The following ABCC3 variants were observed in gnomAD, a reference collection of about 807,000 sequenced individuals.
ABCC3 encodes the protein ATP binding cassette subfamily C member 3.
A neutral mutation model predicts 165.3 loss-of-function variants in ABCC3; 121 were observed. The ratio of observed to expected loss-of-function variants is 0.73; its 90% CI spans 0.63 to 0.85. The LOEUF (loss-of-function observed/expected upper bound fraction) is 0.85. Among genes scored for constraint, ABCC3 ranks in the 40% least tolerant of loss-of-function variants. The pLI, the probability that ABCC3 is intolerant of heterozygous loss-of-function variation, is 0.00. For synonymous variants in ABCC3, 733 were observed against 810.1 expected (o/e 0.90, Z 1.62); for missense variants, 1,869 against 1,964.1 (o/e 0.95, Z 0.92).
In ABCC3 at chr17:50,692,047, C is replaced by T. The variant is rs1968133415; in HGVS notation, c.*847C>T. 1 of 152,222 alleles carries T rather than the reference C, an allele frequency of 6.6e-6. No homozygotes were observed. Among genetic ancestry groups the T allele is most frequent in the African/African-American group, 2.4e-5 (1 of 41,438 alleles). The allele number at this position is 152,222 out of a possible 1,614,324, so 9.4% of individuals were successfully genotyped here. ...GAGAAGTGCATGATGCTTTTACTTC[C>T]TTGCTCATTTCGAAGTCTGTTCCAG... is the stretch of plus-strand genomic sequence containing the variant. On this transcript the variant is annotated 3_prime_UTR_variant, in exon 31 of 31. Coordinates refer to ENST00000285238, the MANE Select transcript of ABCC3 (RefSeq NM_003786.4).
intron 1 of ABCC3, chr17:50,635,926 A>C: frequency 4.5e-6 from 1 of 224,242 alleles, no homozygotes; most frequent in South Asian, 9.0e-5. Context: ...GCCTTTGGTG[A>C]CTCTCACTCC....
chr17:50,689,616 C>A (rs554524702), intron 30 of ABCC3, among the ~76,000 whole-genome samples: 31 of 152,334 alleles, frequency 2.0e-4, no homozygotes, highest in Non-Finnish European at 2.6e-4. Context: ...ATGGGTCAGA[C>A]CTTGCTCTCT....
At chr17:50,647,071 A>G (rs1403282586) in intron 1 of ABCC3, among the ~76,000 whole-genome samples, 1 of 151,800 alleles carries the variant, frequency 6.6e-6, no homozygotes, top group Non-Finnish European at 1.5e-5. Flanking sequence ...TAGAGACGGG[A>G]TTTCACCATG....
intron 11 of ABCC3, among the ~76,000 whole-genome samples, chr17:50,667,056 C>CA (rs1567832559): frequency 2.0e-5 from 3 of 151,842 alleles, no homozygotes; most frequent in Non-Finnish European, 4.4e-5. Flanking sequence ...CTCGTCCCTA[C>CA]AAAAAAATTT....
At chr17:50,662,547 A>G (rs1967414968) in intron 8 of ABCC3, among the ~76,000 whole-genome samples, 1 of 151,584 alleles carries the variant, frequency 6.6e-6, no homozygotes, top group South Asian at 2.1e-4. Context: ...CTGAGGTGGG[A>G]AGACTGCCTG....
At chr17:50,672,572 T>A (rs1019769607) in intron 17 of ABCC3, among the ~76,000 whole-genome samples, 1 of 152,160 alleles carries the variant, frequency 6.6e-6, no homozygotes, top group African/African-American at 2.4e-5. Flanking sequence ...AGAAGACTGC[T>A]GTTCTGGTCA....
intron 17 of ABCC3, among the ~76,000 whole-genome samples, chr17:50,671,415 C>T (rs959334632): frequency 6.6e-6 from 1 of 152,162 alleles, no homozygotes; most frequent in African/African-American, 2.4e-5. Context: ...TCCCCACTGC[C>T]CCTAGGCCCC....
At chr17:50,653,133 G>C (rs1967143489) in intron 1 of ABCC3, among the ~76,000 whole-genome samples, 1 of 151,994 alleles carries the variant, frequency 6.6e-6, no homozygotes, top group South Asian at 2.1e-4. Context: ...ATCACCTGAG[G>C]TCAGGAGTTC....
rs1967374084 is a variant in ABCC3, at chr17:50,661,118, T to C, written c.998+4T>C. On this transcript the variant is annotated splice_donor_region_variant and intron_variant, in intron 8 of 30. Transcript: ENST00000285238. ...TCATCAATCCACAGCTGCTCAGGTCTCTCCACACTCCGGCTCACTATAGCC... is the reference window on the plus strand; with the variant it reads ...TCATCAATCCACAGCTGCTCAGGTCCCTCCACACTCCGGCTCACTATAGCC... 1 of 1,608,990 alleles carries C rather than the reference T, an allele frequency of 6.2e-7. No homozygotes were observed. The highest frequency in any genetic ancestry group is 2.2e-5 in the East Asian group (1 of 44,774).
intron 8 of ABCC3, chr17:50,663,349 G>GTAGATCTCGGTGGTCGCCGTATCATT: frequency 3.0e-6 from 1 of 334,444 alleles, no homozygotes. Context: ...AAGGAGCAGG[G>GTAGATCTCGGTGGTCGCCGTATCATT]AAGTCCAGTC....
intron 17 of ABCC3, among the ~76,000 whole-genome samples, chr17:50,669,760 A>C (rs1967605946): frequency 6.6e-6 from 1 of 151,826 alleles, no homozygotes; most frequent in African/African-American, 2.4e-5. Context: ...CAGGGAGGGC[A>C]CAGCAGGGAG....
At chr17:50,689,608 G>T (rs1475434152) in intron 30 of ABCC3, among the ~76,000 whole-genome samples, 1 of 152,208 alleles carries the variant, frequency 6.6e-6, no homozygotes, top group African/African-American at 2.4e-5. Flanking sequence ...ACAGGGCAAT[G>T]GGTCAGACCT....
intron 4 of ABCC3, 123 bp downstream of exon 4, chr17:50,657,306 G>A: frequency 7.6e-7 from 1 of 1,314,846 alleles, no homozygotes. Flanking sequence ...ACACAATTGT[G>A]TTGTTCTCCA....
Position 50,656,711 on chromosome 17 carries a change from G to A in ABCC3, c.232G>A (p.Val78Ile), listed in dbSNP as rs768335194. The part of the protein sequence containing the change: ...HLSKLKMVLG[V>I]LLWCVSWADL... ...TGTGCTCTCTTCGCAGGTCCTGGGT[G>A]TCCTGCTGTGGTGCGTCTCCTGGGC... The change falls in exon 3 of 31, where the codon GTC (valine) becomes ATC (isoleucine). Residue 78 changes from valine to isoleucine, a missense_variant. Transcript: ENST00000285238. 10 of 1,612,942 alleles carry A rather than the reference G, an allele frequency of 6.2e-6. No homozygotes were observed. Among genetic ancestry groups the A allele is most frequent in the Non-Finnish European group, 8.5e-6 (10 of 1,179,508 alleles).
intron 29 of ABCC3, among the ~76,000 whole-genome samples, chr17:50,686,584 T>G (rs1968026049): frequency 6.6e-6 from 1 of 152,072 alleles, no homozygotes; most frequent in South Asian, 2.1e-4. Context: ...GACTGTCTCT[T>G]GCTTGATCCA....
At chr17:50,686,965 G>A (rs1268930718) in intron 29 of ABCC3, among the ~76,000 whole-genome samples, 4 of 152,126 alleles carry the variant, frequency 2.6e-5, no homozygotes, top group African/African-American at 9.7e-5. Flanking sequence ...AGAGCAGGAG[G>A]CTGAAGGCGT....
At chr17:50,680,930 G>T (rs1967915821) in intron 26 of ABCC3, among the ~76,000 whole-genome samples, 1 of 152,112 alleles carries the variant, frequency 6.6e-6, no homozygotes, top group East Asian at 1.9e-4. Context: ...CAAAAAAATA[G>T]CTGGGCGTGG....
At chr17:50,660,785 T>C in intron 7 of ABCC3, 138 bp from the exon 8 acceptor site, 1 of 686,480 alleles carries the variant, frequency 1.5e-6, no homozygotes, top group Non-Finnish European at 2.4e-6. Flanking sequence ...TCTTATGCTG[T>C]CTGTTCCCCT....
At chr17:50,687,811 A>C in intron 30 of ABCC3, 81 bp downstream of exon 30, 6 of 1,411,404 alleles carry the variant, frequency 4.3e-6, no homozygotes, top group Non-Finnish European at 5.9e-6. Context: ...GATTAGGGTT[A>C]TCTGAACAAG....
Sources: gnomAD v4.1 joint callset for allele counts (sites outside exome capture counted in the v4.1 genomes callset) on GRCh38, gnomAD v4.1.1 for gene constraint, MANE v1.5 for transcripts, NCBI Gene and HGNC (gene_info 2026-07-23, HGNC 2026-07-21) for gene names.